TSPEAR: variants seen among roughly 807,000 people sequenced by gnomAD.
TSPEAR encodes the protein thrombospondin type laminin G domain and EAR repeats.
Under a neutral mutation model 71.6 loss-of-function variants are expected in TSPEAR, and 69 were observed. The ratio of observed to expected loss-of-function variants is 0.96; its 90% CI spans 0.79 to 1.18. The LOEUF (loss-of-function observed/expected upper bound fraction) is 1.18. TSPEAR is among the 50% of genes most tolerant of loss of function. The pLI is 0.00. For synonymous variants in TSPEAR, 402 were observed against 387.2 expected (o/e 1.04, Z -0.45); for missense variants, 971 against 894.9 (o/e 1.09, Z -1.09).
chr21:44,530,220 C>T (rs1232291777), intron 4 of TSPEAR, among the ~76,000 whole-genome samples: 1 of 152,218 alleles, frequency 6.6e-6, no homozygotes, highest in Non-Finnish European at 1.5e-5. Flanking sequence ...CTACTCTGCT[C>T]ATCCAACAGC....
At chr21:44,503,180 CCGGCCTTGGTGAGCCCACA>C (rs2052082347) in intron 11 of TSPEAR, among the ~76,000 whole-genome samples, 2 of 127,360 alleles carry the variant, frequency 1.6e-5, no homozygotes, top group African/African-American at 3.1e-5. Context: ...TGGGTGGAAG[CCGGCCTTGGTGAGCCCACA>C]GGGGGGAAGC....
chr21:44,503,763 C>CA (rs2052110646), intron 11 of TSPEAR, among the ~76,000 whole-genome samples: 2 of 105,052 alleles, frequency 1.9e-5, no homozygotes, highest in South Asian at 3.1e-4. Flanking sequence ...GGTGAGCCCT[C>CA]GGGGGGAAGC....
intron 1 of TSPEAR, among the ~76,000 whole-genome samples, chr21:44,709,292 G>T (rs537301891): frequency 2.6e-5 from 4 of 152,230 alleles, no homozygotes; most frequent in Non-Finnish European, 5.9e-5. Context: ...CGGACCACAG[G>T]CTCCTTACAA....
intron 2 of TSPEAR, among the ~76,000 whole-genome samples, chr21:44,544,473 A>G (rs1555917553): frequency 6.6e-6 from 1 of 152,230 alleles, no homozygotes; most frequent in South Asian, 2.1e-4. Flanking sequence ...AAAGTCCCAA[A>G]TATATCATAC....
chr21:44,579,473 T>TTTA, intron 1 of TSPEAR: 1 of 509,602 alleles, frequency 2.0e-6, no homozygotes, highest in Admixed American at 3.3e-5. Flanking sequence ...CCAAGGGGAG[T>TTTA]TTATTGGGGA....
At chr21:44,682,065 C>T in intron 1 of TSPEAR, 1 of 1,614,016 alleles carries the variant, frequency 6.2e-7, no homozygotes, top group East Asian at 2.2e-5. Context: ...GGATGCCTGG[C>T]AGGGGCTGGG....
intron 1 of TSPEAR, chr21:44,697,599 A>G: frequency 6.2e-7 from 1 of 1,613,914 alleles, no homozygotes; most frequent in Non-Finnish European, 8.5e-7. Context: ...TCATGCTGCC[A>G]GCAGTCTAGC....
chr21:44,529,462 G>A (rs1014262823), intron 5 of TSPEAR, among the ~76,000 whole-genome samples: 5 of 152,200 alleles, frequency 3.3e-5, no homozygotes, highest in Admixed American at 1.3e-4. Context: ...GGGGGCAAAA[G>A]GGGATGAGGG....
At chr21:44,638,066 C>G (rs782068712) in intron 1 of TSPEAR, 2 of 1,613,300 alleles carry the variant, frequency 1.2e-6, no homozygotes, top group Admixed American at 3.3e-5. Flanking sequence ...CTCCTCCTGC[C>G]AGCCCAGCTG....
intron 1 of TSPEAR, chr21:44,702,769 G>A: frequency 7.4e-7 from 1 of 1,346,488 alleles, no homozygotes; most frequent in Non-Finnish European, 1.1e-6. Context: ...GGCCTGCTGA[G>A]GCCTCTGCTC....
At chr21:44,660,550 T>A (rs1342735190) in intron 1 of TSPEAR, among the ~76,000 whole-genome samples, 3 of 152,238 alleles carry the variant, frequency 2.0e-5, no homozygotes, top group African/African-American at 7.2e-5. Flanking sequence ...AAACACTTTT[T>A]CAGATGAACA....
intron 1 of TSPEAR, among the ~76,000 whole-genome samples, chr21:44,657,100 C>T (rs1985194777): frequency 6.6e-6 from 1 of 152,104 alleles, no homozygotes; most frequent in South Asian, 2.1e-4. Flanking sequence ...TCTCCATGGC[C>T]ACATTGTCTC....
intron 1 of TSPEAR, among the ~76,000 whole-genome samples, chr21:44,674,033 C>T (rs1248380192): frequency 6.6e-6 from 1 of 151,176 alleles, no homozygotes; most frequent in African/African-American, 2.4e-5. Flanking sequence ...GCCTATAGTC[C>T]CAGCTGCTAG....
chr21:44,666,998 C>G (rs1985820147), intron 1 of TSPEAR: 2 of 1,214,302 alleles, frequency 1.6e-6, no homozygotes, highest in Admixed American at 2.5e-5. Flanking sequence ...AGAAGCACAC[C>G]TGTCTTCCTT....
intron 1 of TSPEAR, among the ~76,000 whole-genome samples, chr21:44,650,202 C>A (rs1392800561): frequency 1.4e-5 from 2 of 141,588 alleles, no homozygotes; most frequent in Non-Finnish European, 1.5e-5. Flanking sequence ...GGTGACCAGG[C>A]AAGACCCTCT....
intron 1 of TSPEAR, chr21:44,658,010 C>T (rs2146261728): frequency 6.2e-7 from 1 of 1,613,836 alleles, no homozygotes; most frequent in East Asian, 2.2e-5. Context: ...CCCAGCCTGC[C>T]AGCCAACCTG....
At chr21:44,594,615 C>T (rs1441079997) in intron 1 of TSPEAR, among the ~76,000 whole-genome samples, 1 of 151,918 alleles carries the variant, frequency 6.6e-6, no homozygotes, top group Admixed American at 6.5e-5. Context: ...GTTCCTCCTT[C>T]GTGAATATTC....
chr21:44,523,086 T>TCAGC (rs1239260457), intron 8 of TSPEAR, among the ~76,000 whole-genome samples: 11 of 140,118 alleles, frequency 7.9e-5, no homozygotes, highest in African/African-American at 3.0e-4. Flanking sequence ...AGTCAGTCAG[T>TCAGC]CAGCCAGCCA....
At position 44,593,752 on chromosome 21, in the gene TSPEAR, A is replaced by G. The variant is rs1051428311; in HGVS notation, c.83-25747T>C. 6.6e-6 allele frequency among the ~76,000 whole-genome samples: 1 copy of G among 152,164 alleles called. No homozygotes were observed. Among genetic ancestry groups the G allele is most frequent in the Non-Finnish European group, 1.5e-5 (1 of 68,026 alleles). The stretch of plus-strand genomic sequence containing the variant: ...GCAAGGGACAAGCCGCGTGCCCTAC[A>G]CTGAGAGGACGGACTCTGCTCTCAC... On this transcript the variant is annotated intron_variant, in intron 1 of 11. Coordinates refer to ENST00000323084, the MANE Select transcript of TSPEAR (RefSeq NM_144991.3). The surrounding 1 kb of genome is among the most constrained non-coding windows in gnomAD (Gnocchi z 5.9).
Sources: allele counts gnomAD v4.1 joint callset (sites outside exome capture counted in the v4.1 genomes callset), GRCh38; gene constraint gnomAD v4.1.1; non-coding constraint Gnocchi (gnomAD v3.1); transcripts MANE v1.5; gene names NCBI Gene and HGNC (gene_info 2026-07-23, HGNC 2026-07-21).